The following TAPT1 variants were observed in gnomAD, a reference collection of about 807,000 sequenced individuals.
The protein encoded by TAPT1 is transmembrane anterior posterior transformation 1, also known as transmembrane anterior posterior transformation protein 1 homolog.
Under a neutral mutation model 65.6 loss-of-function variants are expected in TAPT1, and 28 were observed. The observed-to-expected ratio is 0.43, with a 90% CI of 0.32 to 0.59. TAPT1 has a LOEUF of 0.59. TAPT1 is among the 20% of genes least tolerant of loss of function. TAPT1 has a pLI of 0.09. For missense variants in TAPT1, 563 were observed against 679.9 expected, an observed-to-expected ratio of 0.83 and a Z score of 1.91; for synonymous variants, 278 against 245.2, an observed-to-expected ratio of 1.13 and a Z score of -1.25.
rs1751539166 is a variant in TAPT1, at chr4:16,226,113, C to G, written c.199+146G>C. 12 of 1,021,296 alleles carry G rather than the reference C, an allele frequency of 1.2e-5. No individual in the cohort carries two copies. The South Asian group carries it at 3.3e-4, about 28-fold the overall frequency. The allele number at this position is 1,021,296 out of a possible 1,614,324, so 63.3% of individuals were successfully genotyped here. The stretch of plus-strand genomic sequence containing the variant: ...GGCCGCGGAGCCTCGGCAGCCTCGG[C>G]GGCTCCGCGCGCCCACAGCCTGGGG... On this transcript the variant is annotated intron_variant, in intron 1 of 13. Transcript: ENST00000405303.
intron 12 of TAPT1, among the ~76,000 whole-genome samples, chr4:16,168,112 T>A (rs1301751354): frequency 1.6e-5 from 2 of 127,838 alleles, no homozygotes; most frequent in South Asian, 5.1e-4. Context: ...AGTGAAGAAG[T>A]TGGTTTTCTT....
intron 4 of TAPT1, 112 bp from the exon 5 acceptor site, chr4:16,188,467 G>T (rs1578439541): frequency 4.8e-6 from 4 of 833,216 alleles, no homozygotes; most frequent in South Asian, 5.2e-5. Flanking sequence ...CCTAGTAGAA[G>T]GCAAGCTAAA....
chr4:16,187,130 C>G (rs1172120445), intron 5 of TAPT1, among the ~76,000 whole-genome samples: 1 of 152,150 alleles, frequency 6.6e-6, no homozygotes, highest in African/African-American at 2.4e-5. Flanking sequence ...GAATCCTTTG[C>G]AACAGGGTTG....
Position 16,162,926 on chromosome 4 carries a change from TCA to T in TAPT1, c.*380_*381del, listed in dbSNP as rs1416717953. ...GAAAGATTACGTCGTGGTAAAAGTT[TCA>T]CAGTTTTCCAGGTATTTCCTTATAC... On this transcript the variant is annotated 3_prime_UTR_variant, in exon 14 of 14. Coordinates refer to ENST00000405303, the MANE Select transcript of TAPT1 (RefSeq NM_153365.3). 2 of 437,962 alleles carry T rather than the reference TCA, an allele frequency of 4.6e-6. No individual in the cohort carries two copies. Among genetic ancestry groups the T allele is most frequent in the African/African-American group, 2.0e-5 (1 of 49,750 alleles). The allele number at this position is 437,962 out of a possible 1,614,324, so 27.1% of individuals were successfully genotyped here.
At chr4:16,197,399 C>G (rs1414907726) in intron 3 of TAPT1, among the ~76,000 whole-genome samples, 4 of 152,196 alleles carry the variant, frequency 2.6e-5, no homozygotes, top group Admixed American at 2.0e-4. Flanking sequence ...AACAATAACT[C>G]AATTCTTGGT....
intron 7 of TAPT1, among the ~76,000 whole-genome samples, chr4:16,185,405 GT>G (rs1315582963): frequency 1.3e-5 from 2 of 149,058 alleles, no homozygotes; most frequent in African/African-American, 5.0e-5. Context: ...TTTCACTCTA[GT>G]CACCCAGGCT....
At chr4:16,215,458 G>A (rs1282480354) in intron 1 of TAPT1, among the ~76,000 whole-genome samples, 1 of 152,116 alleles carries the variant, frequency 6.6e-6, no homozygotes, top group East Asian at 1.9e-4. Flanking sequence ...GCTTGCTTAT[G>A]TTAGGGTTTA....
intron 1 of TAPT1, among the ~76,000 whole-genome samples, chr4:16,225,428 G>C (rs1323359594): frequency 6.6e-6 from 1 of 152,224 alleles, no homozygotes; most frequent in Non-Finnish European, 1.5e-5. Context: ...TGGTTCAGTT[G>C]CTGTTTACAG....
chr4:16,191,595 T>A (rs1749376191), intron 3 of TAPT1, 72 bp from the exon 4 acceptor site: 1 of 1,406,176 alleles, frequency 7.1e-7, no homozygotes, highest in African/African-American at 1.4e-5. Context: ...TAATCTTTAC[T>A]CGATATACAC....
intron 1 of TAPT1, chr4:16,225,784 G>A (rs1751513834): frequency 1.6e-6 from 1 of 641,122 alleles, no homozygotes; most frequent in Non-Finnish European, 1.9e-6. Context: ...CTACCACACC[G>A]TCAGCTGTCT....
intron 9 of TAPT1, among the ~76,000 whole-genome samples, chr4:16,175,419 C>T (rs796376848): frequency 1.3e-5 from 2 of 152,200 alleles, no homozygotes; most frequent in African/African-American, 4.8e-5. Flanking sequence ...GTTGTTGCAA[C>T]TGCATTTTAT....
intron 3 of TAPT1, among the ~76,000 whole-genome samples, chr4:16,195,615 A>C (rs944598905): frequency 4.6e-5 from 7 of 152,216 alleles, no homozygotes; most frequent in African/African-American, 1.7e-4. Flanking sequence ...TAAATTTCCA[A>C]AATTTTACTT....
chr4:16,208,428 A>G (rs147820983), intron 2 of TAPT1, among the ~76,000 whole-genome samples: 23 of 152,226 alleles, frequency 1.5e-4, no homozygotes, highest in African/African-American at 5.5e-4. Context: ...AGTTTGGACA[A>G]TAAGACAGAA....
At chr4:16,225,031 G>A (rs559482866) in intron 1 of TAPT1, among the ~76,000 whole-genome samples, 88 of 152,288 alleles carry the variant, frequency 5.8e-4, no homozygotes, top group African/African-American at 1.9e-3. Flanking sequence ...TTGCTATTTT[G>A]TCTTACTGAG....
At position 16,213,882 on chromosome 4, in the gene TAPT1, C is replaced by T; in HGVS notation, c.216G>A (p.Arg72=). 6.3e-7 allele frequency: 1 copy of T among 1,593,838 alleles called. No homozygotes were observed. Among genetic ancestry groups the T allele is most frequent in the Non-Finnish European group, 8.5e-7 (1 of 1,174,502 alleles). ...RRGRTELSLL[R]FLSAELTRGY... is the part of the protein sequence containing the mutation. ...CTCTTGTTAGTTCAGCACTGAGGAA[C>T]CTCAACAATGAAAGCTCTACAGAAA... The change falls in exon 2 of 14, where the codon AGG becomes AGA. Residue 72 remains arginine (R), a synonymous_variant. Coordinates refer to ENST00000405303, the MANE Select transcript of TAPT1 (RefSeq NM_153365.3).
chr4:16,172,477 TAACA>T (rs1748058638), intron 11 of TAPT1, among the ~76,000 whole-genome samples: 2 of 152,220 alleles, frequency 1.3e-5, no homozygotes, highest in Admixed American at 1.3e-4. Flanking sequence ...CTTAAGCCTT[TAACA>T]AACAATTTTA....
At chr4:16,165,345 C>T (rs943337935) in intron 13 of TAPT1, among the ~76,000 whole-genome samples, 34 of 151,892 alleles carry the variant, frequency 2.2e-4, no homozygotes, top group African/African-American at 8.0e-4. Context: ...CCGAGGCAGG[C>T]GGATCACGAG....
intron 8 of TAPT1, 23 bp from the exon 9 acceptor site, chr4:16,176,251 C>T (rs765162953): frequency 1.1e-5 from 14 of 1,252,642 alleles, no homozygotes; most frequent in Non-Finnish European, 1.4e-5. Context: ...AAAAGAAAAA[C>T]AACGAAATAT....
chr4:16,164,131 T>C (rs1034371019), intron 13 of TAPT1, among the ~76,000 whole-genome samples: 8 of 152,184 alleles, frequency 5.3e-5, no homozygotes, highest in Non-Finnish European at 1.2e-4. Flanking sequence ...ATACATTCAA[T>C]CCATGTAAGA....
Sources: allele counts gnomAD v4.1 joint callset (sites outside exome capture counted in the v4.1 genomes callset), GRCh38; gene constraint gnomAD v4.1.1; transcripts MANE v1.5; gene names NCBI Gene and HGNC (gene_info 2026-07-23, HGNC 2026-07-21).